CHST9: variants seen among roughly 807,000 people sequenced by gnomAD.
CHST9 encodes the protein carbohydrate sulfotransferase 9, also known as GalNAc-4-sulfotransferase 2.
CHST9 carries 41 observed loss-of-function variants against 44.4 expected under a neutral mutation model. That is an observed-to-expected ratio of 0.92 (90% CI 0.72 to 1.20). The LOEUF (loss-of-function observed/expected upper bound fraction) is 1.20. Ranked by LOEUF, CHST9 falls within the 50% of genes most tolerant of loss-of-function variation. The pLI, the probability that CHST9 is intolerant of heterozygous loss-of-function variation, is 0.00. For synonymous variants in CHST9, 171 were observed against 178.4 expected, an observed-to-expected ratio of 0.96 and a Z score of 0.33; for missense variants, 504 against 516.5, an observed-to-expected ratio of 0.98 and a Z score of 0.23.
chr18:26,926,977 T>C (rs1197044167), intron 5 of CHST9, among the ~76,000 whole-genome samples: 3 of 152,242 alleles, frequency 2.0e-5, no homozygotes, highest in Non-Finnish European at 4.4e-5. Context: ...TATTTCCGTG[T>C]ATTTAGTTGT....
chr18:27,154,805 G>A (rs1041114030), intron 1 of CHST9, among the ~76,000 whole-genome samples: 11 of 151,948 alleles, frequency 7.2e-5, no homozygotes, highest in East Asian at 3.9e-4. Context: ...CTATGTGGTC[G>A]GGTGTGGTGG....
At chr18:27,114,101 A>G (rs955549828) in intron 2 of CHST9, among the ~76,000 whole-genome samples, 1 of 152,252 alleles carries the variant, frequency 6.6e-6, no homozygotes. Flanking sequence ...ACAAACTGAC[A>G]TAATGCAAAC....
At chr18:27,131,411 C>T (rs748029688) in intron 2 of CHST9, among the ~76,000 whole-genome samples, 5 of 152,084 alleles carry the variant, frequency 3.3e-5, no homozygotes, top group South Asian at 2.1e-4. Flanking sequence ...ATTAGCTGGG[C>T]GTGGTGGCGC....
chr18:27,033,795 C>G (rs144427333), intron 3 of CHST9, among the ~76,000 whole-genome samples: 1 of 152,284 alleles, frequency 6.6e-6, no homozygotes, highest in East Asian at 1.9e-4. Flanking sequence ...CACATGGCCT[C>G]AGGTTTTCCA....
At position 26,908,672 on chromosome 18, in the gene CHST9, C is replaced by G. The variant is rs1470709279; in HGVS notation, c.*7587G>C. 5 of 152,178 alleles carry G rather than the reference C, an allele frequency of 3.3e-5. No homozygotes were observed. The highest frequency in any genetic ancestry group is 1.2e-4 in the African/African-American group (5 of 41,442). 9.4% of individuals were successfully genotyped at this position (152,178 alleles called of 1,614,324 possible). A position where few individuals can be genotyped will look rare whatever the true frequency, so the allele number is the denominator to read the frequency against. On this transcript the variant is annotated 3_prime_UTR_variant, in exon 6 of 6. Coordinates refer to ENST00000618847, the MANE Select transcript of CHST9 (RefSeq NM_031422.6). Reference sequence around the variant, plus strand: ...TAGAATTGGGTAGGTAGCAGCAGAACTGTTAGTGGACCCACATGAAAGGGC... The same window carrying G: ...TAGAATTGGGTAGGTAGCAGCAGAAGTGTTAGTGGACCCACATGAAAGGGC...
intron 2 of CHST9, among the ~76,000 whole-genome samples, chr18:27,051,560 T>C (rs2057567198): frequency 6.6e-6 from 1 of 152,134 alleles, no homozygotes. Flanking sequence ...AGGCCTCCTG[T>C]CAACTGCCAA....
intron 2 of CHST9, among the ~76,000 whole-genome samples, chr18:27,082,281 G>A (rs566964219): frequency 6.6e-6 from 1 of 152,276 alleles, no homozygotes; most frequent in Admixed American, 6.5e-5. Flanking sequence ...AAGCATAAAA[G>A]AAATTATAAT....
chr18:27,087,623 T>C (rs967491510), intron 2 of CHST9, among the ~76,000 whole-genome samples: 2 of 152,220 alleles, frequency 1.3e-5, no homozygotes, highest in African/African-American at 4.8e-5. Flanking sequence ...ATGGTGACTA[T>C]ATTTTCATAC....
At chr18:26,949,153 C>G (rs1429231791) in intron 4 of CHST9, among the ~76,000 whole-genome samples, 1 of 152,104 alleles carries the variant, frequency 6.6e-6, no homozygotes, top group African/African-American at 2.4e-5. Flanking sequence ...CAGCAATGAG[C>G]ATGTGCTGTG....
At chr18:26,967,380 T>A (rs1418959191) in intron 4 of CHST9, among the ~76,000 whole-genome samples, 1 of 152,176 alleles carries the variant, frequency 6.6e-6, no homozygotes, top group East Asian at 1.9e-4. Context: ...ATGGTGTAGA[T>A]GCTCTTCAGC....
At chr18:27,028,529 C>T (rs1036307160) in intron 3 of CHST9, among the ~76,000 whole-genome samples, 4 of 151,956 alleles carry the variant, frequency 2.6e-5, no homozygotes, top group Non-Finnish European at 5.9e-5. Flanking sequence ...AGGCAAATCA[C>T]TTAGGAGGCC....
intron 4 of CHST9, among the ~76,000 whole-genome samples, chr18:26,981,080 T>C (rs1372367102): frequency 1.3e-5 from 2 of 152,184 alleles, no homozygotes; most frequent in Non-Finnish European, 2.9e-5. Context: ...ATTCACATTC[T>C]CTAATAGCAG....
intron 1 of CHST9, among the ~76,000 whole-genome samples, chr18:27,149,754 C>T (rs979586269): frequency 4.0e-5 from 6 of 151,888 alleles, no homozygotes; most frequent in Admixed American, 6.6e-5. Flanking sequence ...TTCTTCTGAG[C>T]CATTTTGCAA....
chr18:27,151,366 C>T (rs1467998054), intron 1 of CHST9, among the ~76,000 whole-genome samples: 2 of 152,012 alleles, frequency 1.3e-5, no homozygotes, highest in African/African-American at 4.8e-5. Context: ...ATCCAGTTTC[C>T]TCAAAGGATA....
intron 2 of CHST9, among the ~76,000 whole-genome samples, chr18:27,097,681 G>C (rs2058130787): frequency 6.6e-6 from 1 of 152,040 alleles, no homozygotes; most frequent in African/African-American, 2.4e-5. Context: ...GAATGGTATT[G>C]CTTAGGTTTT....
rs544569199 is a variant in CHST9 at position 26,929,506 on chromosome 18, T to C, written c.241-12156A>G. Among the ~76,000 whole-genome samples the C allele has an allele frequency of 2.6e-5, 4 of 152,344 alleles. No homozygotes were observed. In the South Asian group the frequency reaches 8.3e-4, roughly 32 times the overall value. On this transcript the variant is annotated intron_variant, in intron 5 of 5. Coordinates refer to ENST00000618847, the MANE Select transcript of CHST9 (RefSeq NM_031422.6). ...CTTTAAATACCGGGCATATCATCTA[T>C]AACGCTGCTTTCCCAACTTCAGATT...
chr18:27,071,505 C>T (rs1329143103), intron 2 of CHST9, among the ~76,000 whole-genome samples: 3 of 152,180 alleles, frequency 2.0e-5, no homozygotes, highest in African/African-American at 7.2e-5. Context: ...CACACTCTAG[C>T]ATAAATGAGC....
intron 3 of CHST9, among the ~76,000 whole-genome samples, chr18:27,030,639 C>T (rs2057330555): frequency 6.6e-6 from 1 of 152,226 alleles, no homozygotes; most frequent in Admixed American, 6.5e-5. Flanking sequence ...ATGTGCCAGA[C>T]CCCCTGTGCA....
At chr18:26,980,505 T>C (rs908053410) in intron 4 of CHST9, among the ~76,000 whole-genome samples, 3 of 152,168 alleles carry the variant, frequency 2.0e-5, no homozygotes, top group African/African-American at 7.2e-5. Flanking sequence ...GTTCAGTACA[T>C]GCTATAATGT....
Sources: gnomAD v4.1 joint callset for allele counts (sites outside exome capture counted in the v4.1 genomes callset) on GRCh38, gnomAD v4.1.1 for gene constraint, MANE v1.5 for transcripts, NCBI Gene and HGNC (gene_info 2026-07-23, HGNC 2026-07-21) for gene names.